Variants in BICRAL observed in about 807,000 individuals in gnomAD.
BICRAL encodes the protein BICRA like chromatin remodeling complex associated protein.
Under a neutral mutation model 91.8 loss-of-function variants are expected in BICRAL, and 8 were observed. The observed-to-expected ratio is 0.09, with a 90% confidence interval of 0.05 to 0.16. The LOEUF (loss-of-function observed/expected upper bound fraction) is 0.16. Among genes scored for constraint, BICRAL ranks in the 10% least tolerant of loss-of-function variants. The pLI, the probability that BICRAL is intolerant of heterozygous loss-of-function variation, is 1.00. For missense variants in BICRAL, 1,038 were observed against 1,310.9 expected (o/e 0.79, Z 3.21); for synonymous variants, 445 against 491.1 (o/e 0.91, Z 1.24).
At chr6:42,842,999 G>A (rs1010417771) in intron 6 of BICRAL, among the ~76,000 whole-genome samples, 1 of 151,784 alleles carries the variant, frequency 6.6e-6, no homozygotes, top group Non-Finnish European at 1.5e-5. Flanking sequence ...GACTACAGGC[G>A]CCCACCATCA....
intron 1 of BICRAL, among the ~76,000 whole-genome samples, chr6:42,792,704 G>A (rs1330759965): frequency 6.6e-6 from 1 of 151,966 alleles, no homozygotes; most frequent in African/African-American, 2.4e-5. Context: ...CTTGAGGTCA[G>A]GAATTTGAGA....
At chr6:42,794,942 CAA>C (rs749878796) in intron 1 of BICRAL, among the ~76,000 whole-genome samples, 12 of 146,950 alleles carry the variant, frequency 8.2e-5, no homozygotes, top group African/African-American at 2.5e-4. Flanking sequence ...GCCTGGGCAA[CAA>C]GAGCAAAACG....
At chr6:42,785,837 C>T (rs547118648) in intron 1 of BICRAL, among the ~76,000 whole-genome samples, 3 of 151,726 alleles carry the variant, frequency 2.0e-5, no homozygotes, top group East Asian at 2.0e-4. Flanking sequence ...GGGCGGATCA[C>T]GAGGTCAGGA....
intron 2 of BICRAL, among the ~76,000 whole-genome samples, chr6:42,816,303 C>T (rs1763993764): frequency 1.3e-5 from 2 of 149,532 alleles, no homozygotes; most frequent in Admixed American, 6.7e-5. Context: ...CGCTTGGGCC[C>T]AAGAGTTCAA....
Position 42,787,134 on chromosome 6 carries a change from A to G in BICRAL, c.-102+5033A>G, listed in dbSNP as rs189447386. ...CAGCAGAGTAGACAGCAACTTTTAC[A>G]TATGTATTTTGGAGGTGGAATCAGA... On this transcript the variant is annotated intron_variant, in intron 1 of 12. Transcript: ENST00000314073. Among the ~76,000 whole-genome samples, 131 of 152,286 alleles carry G rather than the reference A, an allele frequency of 8.6e-4. 1 individual carries two copies. Among genetic ancestry groups the G allele is most frequent in the Admixed American group, 8.2e-3 (126 of 15,278 alleles).
chr6:42,806,259 T>C (rs965688767), intron 1 of BICRAL, among the ~76,000 whole-genome samples: 2 of 152,136 alleles, frequency 1.3e-5, no homozygotes, highest in Non-Finnish European at 2.9e-5. Context: ...TGGAACAGGT[T>C]CCCCAATTTG....
At position 42,748,064 on chromosome 6, in the gene BICRAL, A is replaced by G. The variant is rs1401045791; in HGVS notation, c.-261+1041A>G. Among the ~76,000 whole-genome samples the G allele has an allele frequency of 4.1e-5, 6 of 147,086 alleles. No individual in the cohort carries two copies. In the South Asian group the frequency reaches 6.4e-4, roughly 16 times the overall value. ...GGTGATGCGCCCGCCTCGGCCTCCCATAGTGCCGGGATTACAGGCATGAGC... is the reference window on the plus strand; with the variant it reads ...GGTGATGCGCCCGCCTCGGCCTCCCGTAGTGCCGGGATTACAGGCATGAGC... On this transcript the variant is annotated intron_variant, in intron 1 of 14. Transcript: ENST00000614467.
At chr6:42,818,714 A>G (rs1324968201) in intron 2 of BICRAL, among the ~76,000 whole-genome samples, 1 of 151,910 alleles carries the variant, frequency 6.6e-6, no homozygotes, top group Non-Finnish European at 1.5e-5. Flanking sequence ...TCCATCCACC[A>G]TTTAACTCCT....
At chr6:42,860,407 C>T (rs1280179553) in intron 11 of BICRAL, 51 bp downstream of exon 11, 2 of 1,002,564 alleles carry the variant, frequency 2.0e-6, no homozygotes, top group Admixed American at 3.7e-5. Context: ...CAGGTCACAG[C>T]CACTAAATCA....
Position 42,867,006 on chromosome 6 carries a change from A to G in BICRAL, c.*1560A>G, listed in dbSNP as rs185705668. 12 of 383,132 alleles carry G rather than the reference A, an allele frequency of 3.1e-5. No individual in the cohort carries two copies. The East Asian group carries it at 8.8e-4, about 28-fold the overall frequency. 23.7% of individuals were successfully genotyped at this position (383,132 alleles called of 1,614,324 possible). ...TGTGTGCACACTCACTCTCCTTCTT[A>G]GTGTGCATACTCTCTCATTTATTCT... is the stretch of plus-strand genomic sequence containing the variant. On this transcript the variant is annotated 3_prime_UTR_variant, in exon 13 of 13. Coordinates refer to ENST00000314073, the MANE Select transcript of BICRAL (RefSeq NM_001393499.1).
chr6:42,779,496 C>CA (rs1457021536), upstream of BICRAL, among the ~76,000 whole-genome samples: 2 of 152,028 alleles, frequency 1.3e-5, no homozygotes, highest in African/African-American at 4.8e-5. Context: ...CTAATTTATG[C>CA]AAAGATTACT....
At chr6:42,836,512 A>G (rs1174750930) in intron 6 of BICRAL, among the ~76,000 whole-genome samples, 1 of 152,094 alleles carries the variant, frequency 6.6e-6, no homozygotes. Context: ...ATTAAGGAAC[A>G]TACCCTTGGG....
upstream of BICRAL, among the ~76,000 whole-genome samples, chr6:42,746,528 G>A (rs375276604): frequency 6.6e-6 from 1 of 152,012 alleles, no homozygotes; most frequent in Admixed American, 6.5e-5. Flanking sequence ...TGGTGGGTTG[G>A]GGGGACAGGT....
chr6:42,846,440 C>A (rs896223424), intron 6 of BICRAL, among the ~76,000 whole-genome samples: 5 of 151,016 alleles, frequency 3.3e-5, no homozygotes, highest in Non-Finnish European at 7.4e-5. Flanking sequence ...TTCCTAAACC[C>A]CACATTAGAT....
chr6:42,800,455 C>T (rs902270690), intron 1 of BICRAL, among the ~76,000 whole-genome samples: 3 of 152,178 alleles, frequency 2.0e-5, no homozygotes, highest in Non-Finnish European at 2.9e-5. Flanking sequence ...TCAGCCACCA[C>T]GCCCGGCCTT....
At position 42,852,153 on chromosome 6, in the gene BICRAL, T is replaced by G. The variant is rs369807677; in HGVS notation, c.1901T>G (p.Leu634Arg). 4 of 1,613,686 alleles carry G rather than the reference T, an allele frequency of 2.5e-6. No individual in the cohort carries two copies. In the African/African-American group the frequency reaches 5.3e-5, roughly 22 times the overall value. Residue 634 changes from leucine (L) to arginine (R), a missense_variant, in exon 7 of 13, where the codon CTG becomes CGG. Transcript: ENST00000314073. ...TCTGCTCCCAAGACCACAGACGGCC[T>G]GAGGCAAGCACAGATCCCTGGGCTC... is the stretch of plus-strand genomic sequence containing the variant. ...PISAPKTTDG[L>R]RQAQIPGLLS... is the part of the protein sequence containing the mutation.
At chr6:42,824,603 G>A (rs1437614521) in intron 5 of BICRAL, among the ~76,000 whole-genome samples, 3 of 152,188 alleles carry the variant, frequency 2.0e-5, no homozygotes, top group East Asian at 1.9e-4. Context: ...CATTACAGGC[G>A]TGAGCCACTG....
rs909745267 is a variant in BICRAL, at chr6:42,864,957, G to A, written c.2751G>A (p.Thr917=). ...DKVGLVQYQS[T]SEEKASRREP... is the part of the protein sequence containing the mutation. Reference sequence around the variant, plus strand: ...TGGGCTTAGTGCAGTACCAGAGCACGTCTGAAGAGAAGGCCAGCCGGAGAG... The same window carrying A: ...TGGGCTTAGTGCAGTACCAGAGCACATCTGAAGAGAAGGCCAGCCGGAGAG... The change falls in exon 13 of 13, where the codon ACG becomes ACA. Residue 917 remains threonine (T), a synonymous_variant. Transcript: ENST00000314073. The A allele has an allele frequency of 1.3e-5, 21 of 1,614,056 alleles. No individual in the cohort carries two copies. In the African/African-American group the frequency reaches 1.3e-4, roughly 10 times the overall value.
intron 6 of BICRAL, among the ~76,000 whole-genome samples, chr6:42,840,476 C>T (rs541188110): frequency 2.0e-5 from 3 of 151,794 alleles, no homozygotes; most frequent in East Asian, 2.0e-4. Flanking sequence ...CTCCTGACCT[C>T]GTGATCCGCC....
Sources: gnomAD v4.1 joint callset for allele counts (sites outside exome capture counted in the v4.1 genomes callset) on GRCh38, gnomAD v4.1.1 for gene constraint, MANE v1.5 for transcripts, NCBI Gene and HGNC (gene_info 2026-07-23, HGNC 2026-07-21) for gene names.